Variants in GMDS observed in about 807,000 individuals in gnomAD.
The protein encoded by GMDS is GDP-mannose 4,6-dehydratase, also known as GDP-mannose 4,6 dehydratase.
GMDS carries 20 observed loss-of-function variants against 49.9 expected under a neutral mutation model. The ratio of observed to expected loss-of-function variants is 0.40; its 90% CI spans 0.28 to 0.58. The LOEUF (loss-of-function observed/expected upper bound fraction) is 0.58. Among genes scored for constraint, GMDS ranks in the 20% least tolerant of loss-of-function variants. GMDS has a pLI of 0.42. For missense variants in GMDS, 362 were observed against 481.4 expected (o/e 0.75, Z 2.32); for synonymous variants, 177 against 178.6 (o/e 0.99, Z 0.07).
intron 9 of GMDS, among the ~76,000 whole-genome samples, chr6:1,723,328 CAT>C (rs1766454866): frequency 9.8e-6 from 1 of 102,220 alleles, no homozygotes. Context: ...TTCTTTATGG[CAT>C]TTTTTTTTTT....
intron 9 of GMDS, chr6:1,679,090 A>G (rs191564451): frequency 1.3e-5 from 2 of 152,330 alleles, no homozygotes; most frequent in East Asian, 1.9e-4. Flanking sequence ...CCGCACACAC[A>G]CAGTTGTTAC....
intron 1 of GMDS, among the ~76,000 whole-genome samples, chr6:2,144,576 G>C (rs1268868899): frequency 6.6e-6 from 1 of 152,174 alleles, no homozygotes; most frequent in Non-Finnish European, 1.5e-5. Context: ...TTCCTGAAGT[G>C]TAAGGGCCAG....
At chr6:1,779,022 G>C (rs987979954) in intron 7 of GMDS, among the ~76,000 whole-genome samples, 1 of 152,106 alleles carries the variant, frequency 6.6e-6, no homozygotes, top group African/African-American at 2.4e-5. Flanking sequence ...GTCCTGGCTG[G>C]GGTGGGAGTG....
rs150090603 is a variant in GMDS at position 2,025,040 on chromosome 6, A to G, written c.346-64074T>C. On this transcript the variant is annotated intron_variant, in intron 4 of 10. Coordinates refer to ENST00000380815, the MANE Select transcript of GMDS (RefSeq NM_001500.4). ...CACCAAAAGGATATGATAATCATAC[A>G]ACAAGGAGAAACAGATAAAACTATA... Among the ~76,000 whole-genome samples the G allele has an allele frequency of 6.5e-3, 990 of 152,164 alleles. 12 individuals are homozygous for G. The highest frequency in any genetic ancestry group is 0.023 in the African/African-American group (947 of 41,564).
At chr6:1,705,869 G>A (rs1044638159) in intron 9 of GMDS, among the ~76,000 whole-genome samples, 16 of 152,204 alleles carry the variant, frequency 1.1e-4, no homozygotes, top group African/African-American at 3.9e-4. Flanking sequence ...AGGCGGCTGG[G>A]CACCCAGCAA....
chr6:1,830,047 A>G (rs999813022), intron 7 of GMDS, among the ~76,000 whole-genome samples: 1 of 152,210 alleles, frequency 6.6e-6, no homozygotes, highest in Non-Finnish European at 1.5e-5. Context: ...CCGCTGTCCA[A>G]TATGGTAGAC....
At chr6:1,958,932 T>C (rs1178723489) in intron 6 of GMDS, among the ~76,000 whole-genome samples, 1 of 152,128 alleles carries the variant, frequency 6.6e-6, no homozygotes, top group African/African-American at 2.4e-5. Context: ...ATGATGGGGG[T>C]ACACATTTTC....
intron 7 of GMDS, among the ~76,000 whole-genome samples, chr6:1,864,086 T>C (rs1220781232): frequency 6.6e-6 from 1 of 152,142 alleles, no homozygotes; most frequent in Non-Finnish European, 1.5e-5. Context: ...AACTTTCTAG[T>C]TTATCATCAG....
chr6:2,123,295 T>C (rs367602368), intron 2 of GMDS, among the ~76,000 whole-genome samples: 8 of 152,284 alleles, frequency 5.3e-5, no homozygotes, highest in South Asian at 2.1e-4. Flanking sequence ...TCACCTCCAG[T>C]CTCAGCCCAC....
At chr6:1,646,122 C>T (rs1475881387) in intron 9 of GMDS, among the ~76,000 whole-genome samples, 1 of 152,232 alleles carries the variant, frequency 6.6e-6, no homozygotes, top group Non-Finnish European at 1.5e-5. Flanking sequence ...CTCTCACTCA[C>T]TCCCATCCTT....
intron 4 of GMDS, among the ~76,000 whole-genome samples, chr6:2,082,706 A>T (rs960678683): frequency 3.3e-5 from 5 of 152,242 alleles, no homozygotes; most frequent in South Asian, 2.1e-4. Flanking sequence ...AAAAATAAAG[A>T]AATATTGCAC....
intron 9 of GMDS, among the ~76,000 whole-genome samples, chr6:1,661,430 C>T (rs929997042): frequency 6.6e-6 from 1 of 152,194 alleles, no homozygotes; most frequent in African/African-American, 2.4e-5. Context: ...GACGACACCC[C>T]TGTGATGTCG....
intron 7 of GMDS, among the ~76,000 whole-genome samples, chr6:1,867,247 G>T (rs1374500591): frequency 1.3e-5 from 2 of 151,912 alleles, no homozygotes; most frequent in African/African-American, 2.4e-5. Flanking sequence ...ATGCTAATAG[G>T]GTCAACTAAG....
At chr6:1,739,793 C>G (rs1248558907) in intron 8 of GMDS, among the ~76,000 whole-genome samples, 2 of 152,320 alleles carry the variant, frequency 1.3e-5, no homozygotes, top group East Asian at 3.9e-4. Flanking sequence ...AGCCAAGAAG[C>G]AGAGGGGCCC....
intron 4 of GMDS, among the ~76,000 whole-genome samples, chr6:2,051,066 C>T (rs1285221819): frequency 6.6e-5 from 10 of 152,002 alleles, no homozygotes; most frequent in African/African-American, 2.4e-4. Context: ...AGGTAACAAA[C>T]CTGTACGTTG....
At position 1,818,385 on chromosome 6, in the gene GMDS, A is replaced by C. The variant is rs1425502170; in HGVS notation, c.772-75799T>G. Among the ~76,000 whole-genome samples, 4 of 152,124 alleles carry C rather than the reference A, an allele frequency of 2.6e-5. 1 individual carries two copies. The highest frequency in any genetic ancestry group is 2.6e-4 in the Admixed American group (4 of 15,268). On this transcript the variant is annotated intron_variant, in intron 7 of 10. Transcript: ENST00000380815. ...CACTTTGGGAGGCCGAGGCGGGTGG[A>C]TCACCTGAGGTCAGGAGTTCAAGAC...
chr6:1,624,684 C>A (rs1172326961), intron 9 of GMDS, 144 bp from the exon 10 acceptor site: 2 of 628,626 alleles, frequency 3.2e-6, no homozygotes, highest in Non-Finnish European at 5.7e-6. Context: ...CTGCTGTGCG[C>A]GTTCAGTTGC....
intron 7 of GMDS, among the ~76,000 whole-genome samples, chr6:1,858,208 T>C (rs891837755): frequency 1.3e-5 from 2 of 152,094 alleles, no homozygotes; most frequent in Non-Finnish European, 1.5e-5. Flanking sequence ...AACCTAAAAA[T>C]AATAATAAAA....
intron 4 of GMDS, among the ~76,000 whole-genome samples, chr6:2,046,923 C>A (rs1236051065): frequency 2.0e-5 from 3 of 152,070 alleles, no homozygotes; most frequent in African/African-American, 7.2e-5. Flanking sequence ...TAAAAGTATC[C>A]CCCAACTCCA....
Sources: allele counts gnomAD v4.1 joint callset (sites outside exome capture counted in the v4.1 genomes callset), GRCh38; gene constraint gnomAD v4.1.1; transcripts MANE v1.5; gene names NCBI Gene and HGNC (gene_info 2026-07-23, HGNC 2026-07-21).